The following PMS1 variants were observed in gnomAD, a reference collection of about 807,000 sequenced individuals.
The protein encoded by PMS1 is PMS1 homolog 1, mismatch repair system component.
In PMS1, 79 loss-of-function variants were observed where a neutral mutation model predicts 93.1. The observed-to-expected ratio is 0.85, with a 90% CI of 0.71 to 1.02. PMS1 has a LOEUF of 1.02. Ranked by LOEUF, PMS1 falls within the 50% of genes least tolerant of loss-of-function variation. The probability of loss-of-function intolerance (pLI) is 0.00; values close to 1 mark genes in which losing one functional copy is unlikely to be tolerated. For missense variants in PMS1, 1,064 were observed against 1,085.3 expected (o/e 0.98, Z 0.28); for synonymous variants, 335 against 363.4 (o/e 0.92, Z 0.89).
intron 3 of PMS1, among the ~76,000 whole-genome samples, chr2:189,800,594 G>GA (rs1218487937): frequency 6.6e-6 from 1 of 152,000 alleles, no homozygotes; most frequent in African/African-American, 2.4e-5. Context: ...TTCATATATA[G>GA]AAAAAATATA....
chr2:189,844,200 G>C lies in PMS1; in HGVS notation c.699+120G>C. On this transcript the variant is annotated intron_variant, in intron 6 of 12. Transcript: ENST00000441310. ...CTTTTAATATTTTAATCAAATATGT[G>C]TGTAAGGTAAAACAGTCAATACAGA... 2.6e-6 allele frequency: 4 copies of C among 1,514,236 alleles called. 1 individual carries two copies. In the South Asian group the frequency reaches 4.8e-5, roughly 18 times the overall value. The allele number at this position is 1,514,236 out of a possible 1,614,324, so 93.8% of individuals were successfully genotyped here. A position where few individuals can be genotyped will look rare whatever the true frequency, so the allele number is the denominator to read the frequency against.
chr2:189,815,442 G>A (rs1286300465), intron 4 of PMS1, among the ~76,000 whole-genome samples: 1 of 152,164 alleles, frequency 6.6e-6, no homozygotes, highest in Non-Finnish European at 1.5e-5. Context: ...TGGCTCATGA[G>A]GGCAGTTTCT....
At chr2:189,823,597 T>G (rs188912794) in intron 5 of PMS1, among the ~76,000 whole-genome samples, 233 of 152,298 alleles carry the variant, frequency 1.5e-3, no homozygotes, top group Non-Finnish European at 2.6e-3. Context: ...TAGTTAAGAG[T>G]ATGGGTAATA....
At chr2:189,791,539 C>T (rs1262103323) in intron 1 of PMS1, among the ~76,000 whole-genome samples, 1 of 151,780 alleles carries the variant, frequency 6.6e-6, no homozygotes, top group East Asian at 1.9e-4. Context: ...GGTGGCTGAA[C>T]CTGGGAGGCA....
intron 5 of PMS1, among the ~76,000 whole-genome samples, chr2:189,837,312 A>T (rs1228520094): frequency 1.3e-5 from 2 of 151,678 alleles, no homozygotes; most frequent in Non-Finnish European, 2.9e-5. Context: ...TTTTTTTTAT[A>T]GAAACAGGGT....
chr2:189,866,888 C>T (rs564924008), intron 10 of PMS1, among the ~76,000 whole-genome samples: 1 of 152,126 alleles, frequency 6.6e-6, no homozygotes, highest in Non-Finnish European at 1.5e-5. Context: ...ATAATCATCA[C>T]CACCACCACC....
intron 1 of PMS1, among the ~76,000 whole-genome samples, chr2:189,787,012 C>A (rs1371851980): frequency 1.3e-5 from 2 of 152,244 alleles, no homozygotes; most frequent in African/African-American, 4.8e-5. Flanking sequence ...GAGATTGTGC[C>A]ATTGCATTTC....
intron 9 of PMS1, among the ~76,000 whole-genome samples, chr2:189,858,495 C>T (rs2055597639): frequency 6.6e-6 from 1 of 152,114 alleles, no homozygotes. Context: ...ACAACAGTAG[C>T]AGCTGCTTTT....
chr2:189,815,614 C>T (rs530572397), intron 4 of PMS1, among the ~76,000 whole-genome samples: 4 of 152,272 alleles, frequency 2.6e-5, no homozygotes, highest in Admixed American at 2.6e-4. Flanking sequence ...GGCCTCCCAG[C>T]CATGTGGAAC....
intron 9 of PMS1, among the ~76,000 whole-genome samples, chr2:189,857,207 G>A (rs537336843): frequency 1.3e-5 from 2 of 152,210 alleles, no homozygotes; most frequent in Admixed American, 1.3e-4. Flanking sequence ...TTTTTCTGTT[G>A]AGAAGAACAT....
chr2:189,798,484 C>T (rs2049556684), intron 3 of PMS1, among the ~76,000 whole-genome samples: 1 of 152,154 alleles, frequency 6.6e-6, no homozygotes, highest in African/African-American at 2.4e-5. Context: ...GTGTACTTCT[C>T]TATTTTCCTC....
At chr2:189,822,266 C>T (rs1319469110) in intron 5 of PMS1, among the ~76,000 whole-genome samples, 1 of 152,154 alleles carries the variant, frequency 6.6e-6, no homozygotes. Context: ...GCACCGACTG[C>T]GGGGCCTCTA....
At chr2:189,846,863 CT>C (rs751908829) in intron 6 of PMS1, among the ~76,000 whole-genome samples, 95 of 137,634 alleles carry the variant, frequency 6.9e-4, no homozygotes, top group Non-Finnish European at 7.8e-4. Flanking sequence ...TCTTTTTTTT[CT>C]TTTTTTTTTT....
At chr2:189,824,026 T>C (rs2052202679) in intron 5 of PMS1, among the ~76,000 whole-genome samples, 2 of 152,206 alleles carry the variant, frequency 1.3e-5, no homozygotes, top group African/African-American at 4.8e-5. Flanking sequence ...TAAAAGTTTA[T>C]ATAGGTCTAT....
chr2:189,853,344 C>T (rs1458763078), intron 7 of PMS1, among the ~76,000 whole-genome samples: 1 of 152,008 alleles, frequency 6.6e-6, no homozygotes, highest in Non-Finnish European at 1.5e-5. Flanking sequence ...GCCAGAGCCA[C>T]CATGCCAGAG....
intron 5 of PMS1, among the ~76,000 whole-genome samples, chr2:189,831,579 C>T (rs112056406): frequency 4.5e-4 from 69 of 152,162 alleles, no homozygotes; most frequent in African/African-American, 1.5e-3. Flanking sequence ...CTTTTTTAAA[C>T]CCTGAATGCA....
At chr2:189,875,463 G>A (rs1219139828) in intron 12 of PMS1, among the ~76,000 whole-genome samples, 1 of 152,068 alleles carries the variant, frequency 6.6e-6, no homozygotes, top group African/African-American at 2.4e-5. Context: ...AAACATCCAT[G>A]TATAAGTGGA....
chr2:189,860,841 AGGAGGAG>A (rs2055905603), intron 9 of PMS1, among the ~76,000 whole-genome samples: 1 of 44,696 alleles, frequency 2.2e-5, no homozygotes, highest in African/African-American at 7.5e-5. Context: ...TTTTTTTTTG[AGGAGGAG>A]GATCTCTAGT....
At chr2:189,805,477 C>A (rs1318910009) in intron 3 of PMS1, among the ~76,000 whole-genome samples, 175 bp from the exon 4 acceptor site, 1 of 152,160 alleles carries the variant, frequency 6.6e-6, no homozygotes, top group Non-Finnish European at 1.5e-5. Context: ...ACAAGCTGGC[C>A]TGTTGCTTAT....
Sources: gnomAD v4.1 joint callset for allele counts (sites outside exome capture counted in the v4.1 genomes callset) on GRCh38, gnomAD v4.1.1 for gene constraint, MANE v1.5 for transcripts, NCBI Gene and HGNC (gene_info 2026-07-23, HGNC 2026-07-21) for gene names.